MARCHF1: variants seen among roughly 807,000 people sequenced by gnomAD.
MARCHF1 encodes membrane associated ring-CH-type finger 1, also known as E3 ubiquitin-protein ligase MARCHF1.
MARCHF1 carries 40 observed loss-of-function variants against 54.2 expected under a neutral mutation model. The observed-to-expected ratio is 0.74, with a 90% CI of 0.57 to 0.96. The LOEUF (loss-of-function observed/expected upper bound fraction) is 0.96, where lower values mean the gene tolerates loss of function less well. MARCHF1 is among the 40% of genes least tolerant of loss of function. The pLI, the probability that MARCHF1 is intolerant of heterozygous loss-of-function variation, is 0.00. For synonymous variants in MARCHF1, 236 were observed against 236.3 expected (o/e 1.00, Z 0.01); for missense variants, 586 against 656.5 (o/e 0.89, Z 1.17).
rs146114087 is a variant in MARCHF1 at position 163,935,213 on chromosome 4, T to A, written c.-39+53288A>T. Among the ~76,000 whole-genome samples the A allele has an allele frequency of 8.5e-5, 13 of 152,266 alleles. No individual in the cohort carries two copies. In the East Asian group the frequency reaches 2.5e-3, roughly 29 times the overall value. On this transcript the variant is annotated intron_variant, in intron 3 of 9. Coordinates refer to ENST00000514618, the MANE Select transcript of MARCHF1 (RefSeq NM_001394959.1). The stretch of plus-strand genomic sequence containing the variant: ...CAATTTTCTAAATGGTAAATGAGCA[T>A]TGGCTTCAATTTAAAGTTACCAGCT...
At chr4:163,690,996 G>C (rs991260204) in intron 5 of MARCHF1, among the ~76,000 whole-genome samples, 1 of 152,102 alleles carries the variant, frequency 6.6e-6, no homozygotes, top group Non-Finnish European at 1.5e-5. Flanking sequence ...TGATAAGCAG[G>C]GTCACTTGCA....
At chr4:164,045,808 A>G (rs951673236) in intron 2 of MARCHF1, among the ~76,000 whole-genome samples, 5 of 151,976 alleles carry the variant, frequency 3.3e-5, no homozygotes, top group Admixed American at 2.0e-4. Context: ...GATACTTTTA[A>G]CTATTTAATA....
chr4:164,107,455 G>A (rs1755731671), intron 2 of MARCHF1, among the ~76,000 whole-genome samples: 1 of 152,070 alleles, frequency 6.6e-6, no homozygotes, highest in Non-Finnish European at 1.5e-5. Flanking sequence ...CTGCCTCTTG[G>A]GCTCAAGCAG....
At chr4:163,717,805 G>A (rs1393842761) in intron 4 of MARCHF1, among the ~76,000 whole-genome samples, 1 of 152,172 alleles carries the variant, frequency 6.6e-6, no homozygotes, top group Admixed American at 6.6e-5. Flanking sequence ...CTTTTGAGAA[G>A]TGTCTGTTCA....
intron 3 of MARCHF1, among the ~76,000 whole-genome samples, chr4:163,870,094 A>G (rs576006351): frequency 1.3e-5 from 2 of 152,282 alleles, no homozygotes; most frequent in Admixed American, 1.3e-4. Context: ...CCAATATGTA[A>G]CACTTCACAT....
At chr4:163,782,196 T>C (rs1747483852) in intron 4 of MARCHF1, among the ~76,000 whole-genome samples, 1 of 79,912 alleles carries the variant, frequency 1.3e-5, no homozygotes, top group Admixed American at 1.5e-4. Flanking sequence ...CTTGAAGAGA[T>C]GGGAATTGGA....
At chr4:164,242,797 C>G (rs1045368589) in intron 1 of MARCHF1, among the ~76,000 whole-genome samples, 9 of 152,080 alleles carry the variant, frequency 5.9e-5, no homozygotes, top group Admixed American at 5.9e-4. Flanking sequence ...GTTGATAGAG[C>G]TGAAAACCAA....
chr4:163,799,888 C>T (rs772600644), intron 4 of MARCHF1, among the ~76,000 whole-genome samples: 1 of 152,022 alleles, frequency 6.6e-6, no homozygotes, highest in Non-Finnish European at 1.5e-5. Context: ...ATCAACCTAG[C>T]TGACCATAAA....
At chr4:163,647,372 T>C (rs1742800362) in intron 5 of MARCHF1, among the ~76,000 whole-genome samples, 1 of 151,844 alleles carries the variant, frequency 6.6e-6, no homozygotes, top group Non-Finnish European at 1.5e-5. Flanking sequence ...AGAAAATAAA[T>C]AAGAAACACT....
At chr4:163,748,434 G>C (rs1267127690) in intron 4 of MARCHF1, among the ~76,000 whole-genome samples, 1 of 149,750 alleles carries the variant, frequency 6.7e-6, no homozygotes, top group Non-Finnish European at 1.5e-5. Context: ...GATCCCACAA[G>C]CTCGCTGGCA....
At chr4:163,548,028 G>A (rs1351472556) in intron 8 of MARCHF1, among the ~76,000 whole-genome samples, 1 of 152,094 alleles carries the variant, frequency 6.6e-6, no homozygotes, top group African/African-American at 2.4e-5. Context: ...GAATTAATCA[G>A]TCTTGAACTG....
At chr4:164,180,302 A>G (rs1730800348) in intron 1 of MARCHF1, among the ~76,000 whole-genome samples, 1 of 152,108 alleles carries the variant, frequency 6.6e-6, no homozygotes, top group African/African-American at 2.4e-5. Context: ...GAATTTAAAG[A>G]ATTTTATGTC....
intron 2 of MARCHF1, among the ~76,000 whole-genome samples, chr4:164,091,395 A>C (rs1218179795): frequency 1.6e-5 from 2 of 121,996 alleles, no homozygotes; most frequent in African/African-American, 3.2e-5. Context: ...AACAGGGGAT[A>C]ATTTTCACCA....
At chr4:163,777,419 T>A (rs1206559560) in intron 4 of MARCHF1, among the ~76,000 whole-genome samples, 1 of 152,172 alleles carries the variant, frequency 6.6e-6, no homozygotes, top group Non-Finnish European at 1.5e-5. Context: ...CCTTGTGACT[T>A]TTGCAGATAT....
intron 1 of MARCHF1, among the ~76,000 whole-genome samples, chr4:164,359,867 G>A (rs1299337993): frequency 1.3e-5 from 2 of 152,136 alleles, no homozygotes; most frequent in East Asian, 1.9e-4. Context: ...ACCTCTGGGA[G>A]TAGGGCCCAG....
intron 3 of MARCHF1, among the ~76,000 whole-genome samples, chr4:163,920,837 T>C (rs1751414352): frequency 6.7e-6 from 1 of 149,492 alleles, no homozygotes; most frequent in Non-Finnish European, 1.5e-5. Flanking sequence ...CTCTATGTTT[T>C]AGAATTTCCA....
intron 1 of MARCHF1, among the ~76,000 whole-genome samples, chr4:164,277,658 C>A (rs1733920816): frequency 1.3e-5 from 2 of 152,206 alleles, no homozygotes; most frequent in Non-Finnish European, 2.9e-5. Context: ...GGCCTCCAGC[C>A]CATTTATTAT....
chr4:164,278,927 C>G (rs1733953717), intron 1 of MARCHF1, among the ~76,000 whole-genome samples: 1 of 152,072 alleles, frequency 6.6e-6, no homozygotes. Flanking sequence ...ATACTATGTA[C>G]ATATTTACCA....
chr4:163,703,790 G>T (rs535979996), intron 4 of MARCHF1, among the ~76,000 whole-genome samples: 1 of 152,108 alleles, frequency 6.6e-6, no homozygotes, highest in African/African-American at 2.4e-5. Context: ...CTAATTTTTG[G>T]TTTGCTATGA....
Sources: gnomAD v4.1 joint callset for allele counts (sites outside exome capture counted in the v4.1 genomes callset) on GRCh38, gnomAD v4.1.1 for gene constraint, MANE v1.5 for transcripts, NCBI Gene and HGNC (gene_info 2026-07-23, HGNC 2026-07-21) for gene names.